Variants in ISOC2 observed in about 807,000 individuals in gnomAD.
ISOC2 encodes the protein isochorismatase domain containing 2.
Under a neutral mutation model 19.3 loss-of-function variants are expected in ISOC2, and 15 were observed. That is an observed-to-expected ratio of 0.78 (90% CI 0.52 to 1.20). ISOC2 has a LOEUF of 1.20. Ranked by LOEUF, ISOC2 falls within the 50% of genes most tolerant of loss-of-function variation. ISOC2 has a pLI of 0.00. For missense variants in ISOC2, 285 were observed against 272.4 expected (o/e 1.05, Z -0.33); for synonymous variants, 106 against 115.8 (o/e 0.92, Z 0.54).
chr19:55,455,692 G>C lies in ISOC2; in HGVS notation c.292C>G (p.Arg98Gly), dbSNP rs554887150. The change falls in exon 3 of 6, where the codon CGG becomes GGG. Residue 98 changes from arginine (R) to glycine (G), a missense_variant. Physicochemically the swap from Arg to Gly is moderately radical, Grantham distance 125 (BLOSUM62 -2). Coordinates refer to ENST00000425675, the MANE Select transcript of ISOC2 (RefSeq NM_001136201.2). ...AGCAGCACAGAGCGCAGCTGGGGCCGACTGTCCAGCTCCTGCTGCAGGGCA... is the reference window on the plus strand; with the variant it reads ...AGCAGCACAGAGCGCAGCTGGGGCCCACTGTCCAGCTCCTGCTGCAGGGCA... ...VPALQQELDS[R>G]PQLRSVLLCG... The C allele has an allele frequency of 6.2e-7, 1 of 1,610,744 alleles. No individual in the cohort carries two copies. Among genetic ancestry groups the C allele is most frequent in the Admixed American group, 1.7e-5 (1 of 59,824 alleles).
intron 1 of ISOC2, among the ~76,000 whole-genome samples, chr19:55,458,505 C>T (rs180770037): frequency 1.3e-5 from 2 of 151,904 alleles, no homozygotes; most frequent in Non-Finnish European, 1.5e-5. Flanking sequence ...AGGCAGGGCA[C>T]TCAACAAGAA....
chr19:55,457,220 G>GC (rs1187551693), intron 1 of ISOC2: 1 of 154,276 alleles, frequency 6.5e-6, no homozygotes, highest in Non-Finnish European at 1.4e-5. Context: ...TTCCTGAAAT[G>GC]CCCAGAACAG....
chr19:55,457,602 G>A (rs1986102169), intron 1 of ISOC2, among the ~76,000 whole-genome samples: 1 of 152,078 alleles, frequency 6.6e-6, no homozygotes, highest in African/African-American at 2.4e-5. Flanking sequence ...GCCGAGGCGG[G>A]CGGATCATCT....
Position 55,455,111 on chromosome 19 carries a change from G to A in ISOC2, c.420-5C>T. ...GCCACCAGCCGGTCCACCTGGCTGT[G>A]AGTGGGAGGGAGGGAGGGAAGGTTG... On this transcript the variant is annotated splice_polypyrimidine_tract_variant and splice_region_variant and intron_variant, in intron 4 of 5. Coordinates refer to ENST00000425675, the MANE Select transcript of ISOC2 (RefSeq NM_001136201.2). 1 of 1,370,352 alleles carries A rather than the reference G, an allele frequency of 7.3e-7. No individual in the cohort carries two copies. Among genetic ancestry groups the A allele is most frequent in the Admixed American group, 1.7e-5 (1 of 59,138 alleles). 84.9% of individuals were successfully genotyped at this position (1,370,352 alleles called of 1,614,324 possible).
In ISOC2 at chr19:55,455,874, G is replaced by C. The variant is rs1459989327; in HGVS notation, c.139-29C>G. The C allele has an allele frequency of 2.7e-6, 4 of 1,477,422 alleles. No homozygotes were observed. In the Admixed American group the frequency reaches 8.4e-5, roughly 31 times the overall value. 91.5% of individuals were successfully genotyped at this position (1,477,422 alleles called of 1,614,324 possible). A position where few individuals can be genotyped will look rare whatever the true frequency, so the allele number is the denominator to read the frequency against. ...TGCCAGTGATGGGGAAGAAAGGTCA[G>C]GGTCTGAGGGAGGAGGGGCTGGGCC... On this transcript the variant is annotated intron_variant, in intron 2 of 5. Transcript: ENST00000425675.
At chr19:55,461,178 G>A (rs1036793486) in intron 1 of ISOC2, among the ~76,000 whole-genome samples, 1 of 152,240 alleles carries the variant, frequency 6.6e-6, no homozygotes, top group African/African-American at 2.4e-5. Flanking sequence ...GGGTAGGGCC[G>A]TTGATTTCCC....
intron 5 of ISOC2, 67 bp from the exon 6 acceptor site, chr19:55,453,455 G>C: frequency 2.7e-6 from 3 of 1,107,434 alleles, no homozygotes; most frequent in Non-Finnish European, 3.8e-6. Flanking sequence ...TGACAAATCT[G>C]AGGGACACCT....
Position 55,456,353 on chromosome 19 carries a change from A to G in ISOC2, c.134T>C (p.Leu45Pro). The part of the protein sequence containing the change: ...PQIVSVAARM[L>P]KVARLLEVPV... ...GGTGGGGGGCTGAGGTCATACCTTG[A>G]GCATGCGGGCAGCCACTGAGACGAT... The change falls in exon 2 of 6, where the codon CTC becomes CCC. Residue 45 changes from leucine (L) to proline (P), a missense_variant. Transcript: ENST00000425675. The G allele has an allele frequency of 6.2e-7, 1 of 1,613,178 alleles. No individual in the cohort carries two copies. Among genetic ancestry groups the G allele is most frequent in the Non-Finnish European group, 8.5e-7 (1 of 1,179,714 alleles).
chr19:55,455,541 G>A, intron 3 of ISOC2, 95 bp downstream of exon 3: 1 of 1,169,772 alleles, frequency 8.5e-7, no homozygotes, highest in Non-Finnish European at 1.2e-6. Context: ...GGGTCCTGCA[G>A]GGAAGTGGAG....
intron 2 of ISOC2, 48 bp from the exon 3 acceptor site, chr19:55,455,893 CTGGGCCTGGACTCCTGGGTCTGA>C: frequency 7.2e-7 from 1 of 1,395,918 alleles, no homozygotes. Context: ...GGAGGAGGGG[CTGGGCCTGGACTCCTGGGTCTGA>C]GGGAGGAGGG....
At position 55,455,230 on chromosome 19, in the gene ISOC2, G is replaced by A. The variant is rs539254778; in HGVS notation, c.419+30C>T. 8 of 1,588,068 alleles carry A rather than the reference G, an allele frequency of 5.0e-6. No individual in the cohort carries two copies. In the East Asian group the frequency reaches 6.8e-5, roughly 13 times the overall value. ...CCTGGGAGCCCCTGATGGCCCCCAC[G>A]TGCACCCACCCAGGCAGGGGCCCTC... is the stretch of plus-strand genomic sequence containing the variant. On this transcript the variant is annotated intron_variant, in intron 4 of 5. Coordinates refer to ENST00000425675, the MANE Select transcript of ISOC2 (RefSeq NM_001136201.2).
chr19:55,454,209 T>TGATGCCCCC (rs1404104855), intron 5 of ISOC2: 1 of 152,744 alleles, frequency 6.5e-6, no homozygotes, highest in African/African-American at 2.4e-5. Context: ...TGTGAGTGCC[T>TGATGCCCCC]GATGCCCCCT....
intron 3 of ISOC2, 65 bp downstream of exon 3, chr19:55,455,571 G>A: frequency 8.8e-6 from 12 of 1,360,014 alleles, no homozygotes; most frequent in East Asian, 2.4e-5. Context: ...CAGGGAAGGA[G>A]GTTCTATTTA....
Position 55,453,128 on chromosome 19 carries a change from A to T in ISOC2, c.*180T>A, listed in dbSNP as rs1441992900. 2 of 520,390 alleles carry T rather than the reference A, an allele frequency of 3.8e-6. No homozygotes were observed. The highest frequency in any genetic ancestry group is 4.0e-5 in the African/African-American group (2 of 50,356). 32.2% of individuals were successfully genotyped at this position (520,390 alleles called of 1,614,324 possible). On this transcript the variant is annotated 3_prime_UTR_variant, in exon 6 of 6. Coordinates refer to ENST00000425675, the MANE Select transcript of ISOC2 (RefSeq NM_001136201.2). ...AGCCAATTCCCACCCAGTTTCCAGG[A>T]GTCTCATTTGCATTTCCGGGAGCAG...
rs766564833 is a variant in ISOC2 at position 55,453,304 on chromosome 19, G to C, written c.*4C>G. 2 of 1,602,942 alleles carry C rather than the reference G, an allele frequency of 1.2e-6. No individual in the cohort carries two copies. The highest frequency in any genetic ancestry group is 1.7e-6 in the Non-Finnish European group (2 of 1,175,052). Reference sequence around the variant, plus strand: ...GTGGTCTTCCCTCAAGGCAGGGTTGGAGTTCAGTGGAGGAGGGAGTTCTGG... The same window carrying C: ...GTGGTCTTCCCTCAAGGCAGGGTTGCAGTTCAGTGGAGGAGGGAGTTCTGG... On this transcript the variant is annotated 3_prime_UTR_variant, in exon 6 of 6. Transcript: ENST00000425675.
At chr19:55,456,569 T>A in intron 1 of ISOC2, 80 bp from the exon 2 acceptor site, 2 of 1,558,738 alleles carry the variant, frequency 1.3e-6, no homozygotes, top group Non-Finnish European at 1.7e-6. Context: ...GTCCTCACAC[T>A]CAGAGCCTGG....
Position 55,455,326 on chromosome 19 carries a change from G to A in ISOC2, c.353C>T (p.Thr118Met), listed in dbSNP as rs574543639. 1.2e-5 allele frequency: 20 copies of A among 1,614,110 alleles called. No homozygotes were observed. The highest frequency in any genetic ancestry group is 4.5e-5 in the East Asian group (2 of 44,880). ...GIEAQACILN[T>M]TLDLLDRGLQ... is the part of the protein sequence containing the mutation. ...CCCCCGGTCTAGGAGGTCCAGGGTC[G>A]TGTTCTGTGGGTAGAGAGAGGTCAG... Residue 118 changes from threonine (T) to methionine (M), a missense_variant, in exon 4 of 6, where the codon ACG (threonine) becomes ATG (methionine). Coordinates refer to ENST00000425675, the MANE Select transcript of ISOC2 (RefSeq NM_001136201.2).
At chr19:55,460,846 C>T (rs928053506) in intron 1 of ISOC2, among the ~76,000 whole-genome samples, 2 of 152,128 alleles carry the variant, frequency 1.3e-5, no homozygotes, top group African/African-American at 4.8e-5. Flanking sequence ...AGCAGGAGGT[C>T]GGCGCTGGGG....
rs765491841 is a variant in ISOC2, at chr19:55,455,011, G to C, written c.515C>G (p.Ala172Gly). Reference protein sequence around the residue: ...EGLILQLVGDAVHPQFKEIQK... With the variant: ...EGLILQLVGDGVHPQFKEIQK... ...TACCTCCTTGAACTGGGGGTGGACG[G>C]CATCGCCCACAAGCTGCAGAATGAG... Residue 172 changes from alanine to glycine, a missense_variant, in exon 5 of 6, where the codon GCC becomes GGC. Physicochemically the swap from Ala to Gly is moderately conservative, Grantham distance 60 (BLOSUM62 0). Coordinates refer to ENST00000425675, the MANE Select transcript of ISOC2 (RefSeq NM_001136201.2). 4 of 1,612,960 alleles carry C rather than the reference G, an allele frequency of 2.5e-6. No homozygotes were observed. The South Asian group carries it at 4.4e-5, about 18-fold the overall frequency.
Sources: allele counts gnomAD v4.1 joint callset (sites outside exome capture counted in the v4.1 genomes callset), GRCh38; gene constraint gnomAD v4.1.1; transcripts MANE v1.5; gene names NCBI Gene and HGNC (gene_info 2026-07-23, HGNC 2026-07-21).